The following TENM2 variants were observed in gnomAD, a reference collection of about 807,000 sequenced individuals.
The protein encoded by TENM2 is teneurin-2.
A neutral mutation model predicts 245.2 loss-of-function variants in TENM2; 52 were observed. The ratio of observed to expected loss-of-function variants is 0.21; its 90% CI spans 0.17 to 0.27. TENM2 has a LOEUF of 0.27. TENM2 is among the 10% of genes least tolerant of loss of function. The pLI, the probability that TENM2 is intolerant of heterozygous loss-of-function variation, is 1.00. For missense variants in TENM2, 3,046 were observed against 3,666.8 expected (o/e 0.83, Z 4.37); for synonymous variants, 1,363 against 1,438.9 (o/e 0.95, Z 1.19).
At chr5:167,044,560 G>A in the TENM2 span, among the ~76,000 whole-genome samples, 9 of 152,094 alleles carry the variant, frequency 5.9e-5, no homozygotes, top group Non-Finnish European at 1.3e-4. Flanking sequence ...AGAGATTGTG[G>A]CCATCTGAGA....
At chr5:168,175,153 C>T (rs78303377) in intron 13 of TENM2, among the ~76,000 whole-genome samples, 1,703 of 152,258 alleles carry the variant, frequency 0.011, 37 homozygotes, top group African/African-American at 0.038. Context: ...AAACTGGAAA[C>T]AATGATATCA....
intron 1 of TENM2, among the ~76,000 whole-genome samples, chr5:167,308,843 A>AGAC (rs1193701490): frequency 1.3e-5 from 2 of 152,316 alleles, no homozygotes; most frequent in Admixed American, 6.5e-5. Context: ...TCTAACGTGA[A>AGAC]GACACACATA....
chr5:167,252,635 C>T, the TENM2 span, among the ~76,000 whole-genome samples: 1 of 152,112 alleles, frequency 6.6e-6, no homozygotes, highest in South Asian at 2.1e-4. Flanking sequence ...CTCTCAGGTA[C>T]ACAGCCACCG....
intron 12 of TENM2, among the ~76,000 whole-genome samples, chr5:168,148,830 G>T (rs1756350056): frequency 6.6e-6 from 1 of 151,854 alleles, no homozygotes; most frequent in South Asian, 2.1e-4. Flanking sequence ...CAGATTTTTG[G>T]TAAGGAATGT....
At chr5:167,564,786 C>G (rs1773800872) in intron 2 of TENM2, among the ~76,000 whole-genome samples, 1 of 152,146 alleles carries the variant, frequency 6.6e-6, no homozygotes, top group Non-Finnish European at 1.5e-5. Context: ...AAAAGGCTTT[C>G]TTTCATGGGG....
intron 1 of TENM2, among the ~76,000 whole-genome samples, chr5:167,315,706 A>G (rs530907901): frequency 6.6e-6 from 1 of 152,122 alleles, no homozygotes; most frequent in Non-Finnish European, 1.5e-5. Flanking sequence ...TCCTATTCCT[A>G]AAACAAAGGT....
chr5:167,625,978 A>G (rs1778474687), intron 2 of TENM2, among the ~76,000 whole-genome samples: 1 of 152,138 alleles, frequency 6.6e-6, no homozygotes, highest in African/African-American at 2.4e-5. Flanking sequence ...AAGAGAAAAG[A>G]AGAAGACATC....
chr5:167,189,137 G>C, the TENM2 span, among the ~76,000 whole-genome samples: 1 of 152,118 alleles, frequency 6.6e-6, no homozygotes, highest in Admixed American at 6.6e-5. Context: ...TACAGTTTGA[G>C]ATGGAAGTGA....
At chr5:167,834,964 A>G (rs1034156986) in intron 2 of TENM2, among the ~76,000 whole-genome samples, 2 of 152,164 alleles carry the variant, frequency 1.3e-5, no homozygotes, top group African/African-American at 4.8e-5. Context: ...TGTCTGTACA[A>G]TTTCAACTAA....
chr5:167,996,554 C>G (rs190402446), intron 5 of TENM2, among the ~76,000 whole-genome samples: 37 of 152,296 alleles, frequency 2.4e-4, no homozygotes, highest in Admixed American at 1.4e-3. Context: ...ATTACCTGCA[C>G]CACCAGAAGT....
At chr5:168,228,681 G>GTATGTTCTTTGCAC (rs1491124454) in intron 25 of TENM2, among the ~76,000 whole-genome samples, 1 of 79,718 alleles carries the variant, frequency 1.3e-5, no homozygotes, top group Admixed American at 1.3e-4. Context: ...GGTACATGCA[G>GTATGTTCTTTGCAC]GGTCTGATGG....
intron 7 of TENM2, among the ~76,000 whole-genome samples, chr5:168,071,342 A>G (rs1790999059): frequency 6.6e-6 from 1 of 152,190 alleles, no homozygotes. Flanking sequence ...ACAGATTTCA[A>G]TTTTTTTAAA....
In TENM2 at chr5:168,148,873, TGATAGATAGATAGATA is replaced by T. The variant is rs752440206; in HGVS notation, c.2423-13706_2423-13691del. Among the ~76,000 whole-genome samples, 130 of 143,928 alleles carry T rather than the reference TGATAGATAGATAGATA, an allele frequency of 9.0e-4. 2 individuals are homozygous for T. Among genetic ancestry groups the T allele is most frequent in the Non-Finnish European group, 2.4e-4 (16 of 65,586 alleles). 94.4% of individuals were successfully genotyped at this position (143,928 alleles called of 152,430 possible). A position where few individuals can be genotyped will look rare whatever the true frequency, so the allele number is the denominator to read the frequency against. ...ATTAATAAATAAATATAAATATATA[TGATAGATAGATAGATA>T]GATAGATAGATAGATAGATAGATAG... On this transcript the variant is annotated intron_variant, in intron 12 of 28. Transcript: ENST00000518659.
intron 1 of TENM2, among the ~76,000 whole-genome samples, chr5:167,349,368 C>G (rs558653755): frequency 1.3e-5 from 2 of 152,066 alleles, no homozygotes; most frequent in African/African-American, 2.4e-5. Flanking sequence ...AGGAAATATA[C>G]CCAAGGTCCC....
At chr5:167,606,180 A>G (rs1777025983) in intron 2 of TENM2, among the ~76,000 whole-genome samples, 1 of 151,490 alleles carries the variant, frequency 6.6e-6, no homozygotes, top group African/African-American at 2.4e-5. Flanking sequence ...CTGGATGGTG[A>G]TGGCAGGAGG....
chr5:167,725,260 T>C (rs1759915312), intron 2 of TENM2, among the ~76,000 whole-genome samples: 1 of 152,204 alleles, frequency 6.6e-6, no homozygotes, highest in Non-Finnish European at 1.5e-5. Flanking sequence ...AATCACACTT[T>C]TTTTTTAAAG....
In TENM2 at chr5:167,748,549, T is replaced by A. The variant is rs542230930; in HGVS notation, c.503-127437T>A. 2.1e-4 allele frequency among the ~76,000 whole-genome samples: 32 copies of A among 151,900 alleles called. No individual in the cohort carries two copies. The South Asian group carries it at 6.6e-3, about 32-fold the overall frequency. ...GACTACAGGCACATGCCACCACTCC[T>A]GGCTCTTTTTGTGTGTGTTTATTAA... On this transcript the variant is annotated intron_variant, in intron 2 of 28. Coordinates refer to ENST00000518659, the Ensembl canonical transcript of TENM2.
chr5:167,457,143 C>G (rs991165628), intron 2 of TENM2, among the ~76,000 whole-genome samples: 2 of 152,176 alleles, frequency 1.3e-5, no homozygotes, highest in Non-Finnish European at 1.5e-5. Flanking sequence ...CTCTATCAGT[C>G]CCCTCTAAAA....
chr5:167,944,295 G>A (rs576492814), intron 3 of TENM2, among the ~76,000 whole-genome samples: 1 of 152,254 alleles, frequency 6.6e-6, no homozygotes, highest in Admixed American at 6.5e-5. Flanking sequence ...CCTGTGCCTG[G>A]CTAGGTGATT....
Sources: allele counts gnomAD v4.1 joint callset (sites outside exome capture counted in the v4.1 genomes callset), GRCh38; gene constraint gnomAD v4.1.1; transcripts MANE v1.5; gene names NCBI Gene and HGNC (gene_info 2026-07-23, HGNC 2026-07-21).